Variants in SEMA3A observed in about 807,000 individuals in gnomAD.
SEMA3A encodes semaphorin 3A.
Under a neutral mutation model 97.9 loss-of-function variants are expected in SEMA3A, and 29 were observed. The ratio of observed to expected loss-of-function variants is 0.30; its 90% CI spans 0.22 to 0.40. The LOEUF is 0.40. Among genes scored for constraint, SEMA3A ranks in the 10% least tolerant of loss-of-function variants. SEMA3A has a pLI of 1.00. For synonymous variants in SEMA3A, 321 were observed against 323.7 expected (o/e 0.99, Z 0.09); for missense variants, 763 against 951.3 (o/e 0.80, Z 2.60).
intron 3 of SEMA3A, among the ~76,000 whole-genome samples, chr7:84,204,219 G>T (rs1391078400): frequency 6.6e-6 from 1 of 151,868 alleles, no homozygotes; most frequent in Non-Finnish European, 1.5e-5. Flanking sequence ...AAGAAATAAA[G>T]CACCACAATT....
intron 1 of SEMA3A, among the ~76,000 whole-genome samples, chr7:84,178,125 T>C (rs540843716): frequency 5.9e-5 from 9 of 152,272 alleles, no homozygotes; most frequent in African/African-American, 2.2e-4. Flanking sequence ...TCTCCAAACA[T>C]AGCTTGTGTA....
chr7:84,107,161 C>A (rs1795134301), intron 4 of SEMA3A, among the ~76,000 whole-genome samples: 2 of 152,196 alleles, frequency 1.3e-5, no homozygotes, highest in Admixed American at 1.3e-4. Context: ...TTATTTCTCA[C>A]TCTCCCGATC....
chr7:84,446,263 T>C (rs895429101), intron 1 of SEMA3A, among the ~76,000 whole-genome samples: 2 of 152,200 alleles, frequency 1.3e-5, no homozygotes, highest in African/African-American at 2.4e-5. Flanking sequence ...CAATGAATTC[T>C]ACCAAATATT....
At chr7:84,353,234 G>A (rs1036662976) in intron 2 of SEMA3A, among the ~76,000 whole-genome samples, 7 of 151,588 alleles carry the variant, frequency 4.6e-5, no homozygotes, top group Admixed American at 1.3e-4. Flanking sequence ...TTTTGGTCCC[G>A]AAGTATTTTT....
intron 5 of SEMA3A, among the ~76,000 whole-genome samples, chr7:84,059,468 T>A (rs1327382806): frequency 6.6e-6 from 1 of 152,098 alleles, no homozygotes; most frequent in Non-Finnish European, 1.5e-5. Context: ...TTTATTTTTC[T>A]GAGTAGGAAA....
chr7:84,344,296 A>T (rs908906140), intron 2 of SEMA3A, among the ~76,000 whole-genome samples: 6 of 152,120 alleles, frequency 3.9e-5, no homozygotes, highest in Non-Finnish European at 5.9e-5. Flanking sequence ...AAACAGAAAA[A>T]CAAACACAAA....
intron 1 of SEMA3A, among the ~76,000 whole-genome samples, chr7:84,161,961 T>C (rs1432211138): frequency 1.3e-5 from 2 of 152,196 alleles, no homozygotes; most frequent in East Asian, 3.8e-4. Flanking sequence ...ACTGCTTGGC[T>C]CTGCAATAAT....
At chr7:84,094,515 A>G (rs1196732661) in intron 4 of SEMA3A, among the ~76,000 whole-genome samples, 3 of 152,164 alleles carry the variant, frequency 2.0e-5, no homozygotes, top group Non-Finnish European at 2.9e-5. Context: ...ATTCATATGC[A>G]TATAACGATG....
At chr7:84,465,409 GT>G (rs769196476) in intron 1 of SEMA3A, among the ~76,000 whole-genome samples, 31 of 151,938 alleles carry the variant, frequency 2.0e-4, no homozygotes, top group Non-Finnish European at 3.5e-4. Flanking sequence ...ATTATCTGAG[GT>G]TACTTTTAGA....
chr7:84,014,797 T>C (rs149538452), intron 6 of SEMA3A, among the ~76,000 whole-genome samples: 442 of 152,226 alleles, frequency 2.9e-3, no homozygotes, highest in African/African-American at 0.01. Context: ...GAAATCCGTA[T>C]AAAACAAAAT....
chr7:84,386,336 A>G (rs1803395734), intron 1 of SEMA3A, among the ~76,000 whole-genome samples: 1 of 152,136 alleles, frequency 6.6e-6, no homozygotes, highest in Non-Finnish European at 1.5e-5. Flanking sequence ...TGTAATCCAT[A>G]ATCCATGCTG....
At chr7:84,119,964 A>T (rs541221307) in intron 3 of SEMA3A, among the ~76,000 whole-genome samples, 1 of 152,264 alleles carries the variant, frequency 6.6e-6, no homozygotes, top group East Asian at 1.9e-4. Flanking sequence ...ACCAATGCCA[A>T]ATATTTTATC....
intron 4 of SEMA3A, among the ~76,000 whole-genome samples, chr7:84,074,700 T>C (rs1793874686): frequency 6.6e-6 from 1 of 151,972 alleles, no homozygotes; most frequent in Admixed American, 6.6e-5. Context: ...TTTGAGTAGC[T>C]TTAGATGTAT....
chr7:84,213,412 T>C (rs1798678466), intron 3 of SEMA3A, among the ~76,000 whole-genome samples: 1 of 152,262 alleles, frequency 6.6e-6, no homozygotes, highest in Middle Eastern at 3.4e-3. Context: ...CCAAGTATCT[T>C]GGACTACAGG....
chr7:84,363,308 A>G (rs1179272147), intron 2 of SEMA3A, among the ~76,000 whole-genome samples: 1 of 151,972 alleles, frequency 6.6e-6, no homozygotes, highest in East Asian at 1.9e-4. Context: ...CAGTTCAGTG[A>G]TCTAAAGTTT....
At chr7:84,139,459 G>A (rs1796236328) in intron 1 of SEMA3A, among the ~76,000 whole-genome samples, 1 of 152,000 alleles carries the variant, frequency 6.6e-6, no homozygotes, top group Non-Finnish European at 1.5e-5. Context: ...GACTAAAGAA[G>A]CATTCTGTTC....
chr7:84,183,197 A>T (rs1303732860), intron 1 of SEMA3A, among the ~76,000 whole-genome samples: 2 of 151,918 alleles, frequency 1.3e-5, no homozygotes, highest in Non-Finnish European at 2.9e-5. Context: ...GGAAGAGGAA[A>T]CTGAAGCTGA....
At chr7:84,113,011 T>G (rs1037314403) in intron 3 of SEMA3A, among the ~76,000 whole-genome samples, 1 of 152,228 alleles carries the variant, frequency 6.6e-6, no homozygotes, top group African/African-American at 2.4e-5. Context: ...CTCTCCCAGT[T>G]GGCAGCAGGT....
intron 14 of SEMA3A, among the ~76,000 whole-genome samples, chr7:83,980,623 A>AAAAT (rs1310318006): frequency 7.9e-4 from 57 of 71,748 alleles, no homozygotes; most frequent in African/African-American, 4.6e-3. Context: ...AAAAAAAAAA[A>AAAAT]ATATATATAT....
Sources: gnomAD v4.1 joint callset for allele counts (sites outside exome capture counted in the v4.1 genomes callset) on GRCh38, gnomAD v4.1.1 for gene constraint, MANE v1.5 for transcripts, NCBI Gene and HGNC (gene_info 2026-07-23, HGNC 2026-07-21) for gene names.